The following PLPPR1 variants were observed in gnomAD, a reference collection of about 807,000 sequenced individuals.
PLPPR1 encodes phospholipid phosphatase-related protein type 1.
In PLPPR1, 10 loss-of-function variants were observed where a neutral mutation model predicts 33.1. That is an observed-to-expected ratio of 0.30 (90% CI 0.19 to 0.51). The LOEUF (loss-of-function observed/expected upper bound fraction) is 0.51, where lower values mean the gene tolerates loss of function less well. PLPPR1 is among the 20% of genes least tolerant of loss of function. PLPPR1 has a pLI of 0.97. For synonymous variants in PLPPR1, 151 were observed against 151.0 expected, an observed-to-expected ratio of 1.00 and a Z score of 0.00; for missense variants, 304 against 408.1, an observed-to-expected ratio of 0.74 and a Z score of 2.20.
chr9:101,251,149 C>T (rs538635725), intron 2 of PLPPR1, among the ~76,000 whole-genome samples: 8 of 152,060 alleles, frequency 5.3e-5, no homozygotes, highest in South Asian at 4.1e-4. Flanking sequence ...AATTTTAAAC[C>T]GATAGCCCCC....
chr9:101,052,795 G>A (rs752175087), intron 1 of PLPPR1, among the ~76,000 whole-genome samples: 10 of 152,200 alleles, frequency 6.6e-5, no homozygotes, highest in Non-Finnish European at 1.5e-4. Flanking sequence ...TTTAATCAGA[G>A]CTGCAATCCA....
intron 1 of PLPPR1, among the ~76,000 whole-genome samples, chr9:101,117,935 T>C (rs751761187): frequency 3.1e-4 from 47 of 152,256 alleles, no homozygotes; most frequent in Non-Finnish European, 6.0e-4. Context: ...CTCTGGGATA[T>C]TGGGGTTAAC....
At chr9:101,095,357 C>A (rs188713392) in intron 1 of PLPPR1, among the ~76,000 whole-genome samples, 4 of 152,120 alleles carry the variant, frequency 2.6e-5, no homozygotes, top group African/African-American at 9.7e-5. Flanking sequence ...GACTGCTGGA[C>A]TTTTGAGCAT....
chr9:101,256,724 T>C (rs1827809920), intron 2 of PLPPR1, among the ~76,000 whole-genome samples: 2 of 152,142 alleles, frequency 1.3e-5, no homozygotes, highest in Admixed American at 1.3e-4. Context: ...GCCTGAACTA[T>C]GAGATGGCAT....
intron 1 of PLPPR1, among the ~76,000 whole-genome samples, chr9:101,063,739 T>G (rs1202010421): frequency 2.6e-5 from 4 of 152,092 alleles, no homozygotes; most frequent in Admixed American, 2.6e-4. Context: ...TCTTAAGGTT[T>G]TTCTTAAACA....
intron 2 of PLPPR1, among the ~76,000 whole-genome samples, chr9:101,251,936 A>T (rs1047134253): frequency 3.3e-5 from 5 of 152,136 alleles, no homozygotes; most frequent in African/African-American, 1.2e-4. Flanking sequence ...AGGAGGAAAA[A>T]GTCTGGAAGG....
chr9:101,057,183 T>G (rs1830288600), intron 1 of PLPPR1, among the ~76,000 whole-genome samples: 1 of 152,212 alleles, frequency 6.6e-6, no homozygotes, highest in South Asian at 2.1e-4. Context: ...TTAGAATAAA[T>G]GAATGAAATA....
intron 1 of PLPPR1, among the ~76,000 whole-genome samples, chr9:101,146,233 A>AT (rs1831519935): frequency 6.6e-6 from 1 of 152,204 alleles, no homozygotes; most frequent in Non-Finnish European, 1.5e-5. Context: ...GGCCTGGCAC[A>AT]TAACAGATGC....
At chr9:101,185,902 T>TA in intron 2 of PLPPR1, among the ~76,000 whole-genome samples, 1 of 152,026 alleles carries the variant, frequency 6.6e-6, no homozygotes, top group African/African-American at 2.4e-5. Flanking sequence ...ATTTTTTTAT[T>TA]AAAAAATCAA....
intron 1 of PLPPR1, among the ~76,000 whole-genome samples, chr9:101,051,286 T>C (rs1204117818): frequency 6.6e-6 from 1 of 151,990 alleles, no homozygotes; most frequent in Non-Finnish European, 1.5e-5. Context: ...CTACTACTAC[T>C]ACTACTACCA....
At chr9:101,104,535 C>T (rs1830947272) in intron 1 of PLPPR1, among the ~76,000 whole-genome samples, 1 of 132,842 alleles carries the variant, frequency 7.5e-6, no homozygotes. Flanking sequence ...TGATGTGCTG[C>T]TGGATTTGAT....
At chr9:101,323,469 CAAAAAA>C (rs11339430) in intron 7 of PLPPR1, among the ~76,000 whole-genome samples, 1 of 93,790 alleles carries the variant, frequency 1.1e-5, no homozygotes, top group Non-Finnish European at 2.3e-5. Flanking sequence ...AACCCTGTCT[CAAAAAA>C]AAAAAAAAAA....
At chr9:101,063,570 A>G (rs1830371720) in intron 1 of PLPPR1, among the ~76,000 whole-genome samples, 1 of 152,098 alleles carries the variant, frequency 6.6e-6, no homozygotes, top group Admixed American at 6.6e-5. Flanking sequence ...CTGGTAGAAC[A>G]CTAGCTGTTT....
chr9:101,313,092 A>G, intron 6 of PLPPR1, 118 bp downstream of exon 6: 1 of 849,236 alleles, frequency 1.2e-6, no homozygotes, highest in South Asian at 1.7e-5. Flanking sequence ...GTGAATTACA[A>G]TTATTCTCCA....
At chr9:101,242,443 A>G (rs1202831261) in intron 2 of PLPPR1, among the ~76,000 whole-genome samples, 1 of 152,006 alleles carries the variant, frequency 6.6e-6, no homozygotes, top group African/African-American at 2.4e-5. Context: ...GCTTGCTCTC[A>G]ATTCTATTAC....
intron 1 of PLPPR1, among the ~76,000 whole-genome samples, chr9:101,059,679 G>T (rs1830320537): frequency 6.6e-6 from 1 of 152,024 alleles, no homozygotes; most frequent in African/African-American, 2.4e-5. Flanking sequence ...ATTTTTCAAA[G>T]GAAGATTTAC....
chr9:101,056,293 A>G (rs1830277364), intron 1 of PLPPR1, among the ~76,000 whole-genome samples: 2 of 152,210 alleles, frequency 1.3e-5, no homozygotes, highest in African/African-American at 4.8e-5. Context: ...TGTCAGATGA[A>G]GGAGTAAGTT....
At chr9:101,177,396 C>A (rs544956938) in intron 1 of PLPPR1, among the ~76,000 whole-genome samples, 76 of 152,132 alleles carry the variant, frequency 5.0e-4, no homozygotes, top group Non-Finnish European at 8.7e-4. Flanking sequence ...TTCATAATTT[C>A]TTTTTCAGAC....
chr9:101,039,785 G>A (rs1322371273), intron 1 of PLPPR1, among the ~76,000 whole-genome samples: 1 of 151,906 alleles, frequency 6.6e-6, no homozygotes, highest in African/African-American at 2.4e-5. Flanking sequence ...ATTAACTATC[G>A]TGAGAACAGC....
Sources: allele counts gnomAD v4.1 joint callset (sites outside exome capture counted in the v4.1 genomes callset), GRCh38; gene constraint gnomAD v4.1.1; transcripts MANE v1.5; gene names NCBI Gene and HGNC (gene_info 2026-07-23, HGNC 2026-07-21).